Variants in C1orf141 observed in about 807,000 individuals in gnomAD.
The protein encoded by C1orf141 is chromosome 1 open reading frame 141, also known as uncharacterized protein C1orf141.
A neutral mutation model predicts 23.2 loss-of-function variants in C1orf141; 19 were observed. The observed-to-expected ratio is 0.82, with a 90% CI of 0.57 to 1.20. The LOEUF (loss-of-function observed/expected upper bound fraction) is 1.20, where lower values mean the gene tolerates loss of function less well. Ranked by LOEUF, C1orf141 falls within the 50% of genes most tolerant of loss-of-function variation. The pLI, the probability that C1orf141 is intolerant of heterozygous loss-of-function variation, is 0.00. For missense variants in C1orf141, 469 were observed against 455.1 expected (o/e 1.03, Z -0.28); for synonymous variants, 153 against 154.6 (o/e 0.99, Z 0.08).
upstream of C1orf141, among the ~76,000 whole-genome samples, chr1:67,137,405 G>T (rs1646595114): frequency 6.6e-6 from 1 of 152,180 alleles, no homozygotes; most frequent in African/African-American, 2.4e-5. Context: ...GAATGACAAT[G>T]CACACATGGA....
intron 5 of C1orf141, among the ~76,000 whole-genome samples, chr1:67,107,007 A>G (rs575725298): frequency 6.6e-6 from 1 of 152,344 alleles, no homozygotes; most frequent in South Asian, 2.1e-4. Context: ...CTTTCTTTAA[A>G]ACACAGCAAA....
At chr1:67,140,445 CATTA>C (rs1028470928) in intron 1 of C1orf141, among the ~76,000 whole-genome samples, 1 of 152,184 alleles carries the variant, frequency 6.6e-6, no homozygotes, top group Admixed American at 6.5e-5. Context: ...TACAAATGAT[CATTA>C]ATTATATATT....
chr1:67,105,055 G>A (rs563816753), intron 5 of C1orf141, among the ~76,000 whole-genome samples: 3 of 152,138 alleles, frequency 2.0e-5, no homozygotes, highest in African/African-American at 7.2e-5. Context: ...GGCCAGGTAC[G>A]GTGGCTCGTG....
intron 4 of C1orf141, 48 bp from the exon 5 acceptor site, chr1:67,115,512 C>T (rs779153399): frequency 1.6e-5 from 12 of 740,092 alleles, no homozygotes. Context: ...AGAAAAATTA[C>T]AAAATAAATC....
rs775938033 is a variant in C1orf141, at chr1:67,095,370, G to C, written c.468C>G (p.Val156=). The C allele has an allele frequency of 2.5e-6, 4 of 1,570,164 alleles. No individual in the cohort carries two copies. ...NDFNIKENKS[V]RNYQLSKYRS... ...TATACTTACTTAATTGATAATTTCT[G>C]ACCGATTTGTTTTCTTTTATATTAA... The change falls in exon 7 of 8, where the codon GTC becomes GTG. Residue 156 remains valine, a synonymous_variant. Transcript: ENST00000684719.
chr1:67,124,170 G>C (rs1646357848), intron 4 of C1orf141, among the ~76,000 whole-genome samples: 1 of 152,186 alleles, frequency 6.6e-6, no homozygotes, highest in African/African-American at 2.4e-5. Context: ...GGCTACAAAA[G>C]TTTGTTTCAC....
intron 5 of C1orf141, among the ~76,000 whole-genome samples, chr1:67,112,410 A>G (rs1241779573): frequency 6.6e-6 from 1 of 152,178 alleles, no homozygotes; most frequent in Non-Finnish European, 1.5e-5. Context: ...AAACAAAAAA[A>G]CAAGACATTG....
Position 67,127,200 on chromosome 1 carries a change from T to C in C1orf141, c.41A>G (p.Lys14Arg), listed in dbSNP as rs977767001. The change falls in exon 3 of 8, where the codon AAG (lysine) becomes AGG (arginine). Residue 14 changes from lysine (K) to arginine (R), a missense_variant. Lys to Arg is a conservative substitution (Grantham distance 26). Around this residue, in one of 3 missense-constraint regions of C1orf141, gnomAD observed 95 missense variants for 90.3 expected, o/e 1.05. Coordinates refer to ENST00000684719, the MANE Select transcript of C1orf141 (RefSeq NM_001276351.2). ...KILEKLDVLDKQAEIILARRT... is the reference protein window; with the variant it reads ...KILEKLDVLDRQAEIILARRT... Reference sequence around the variant, plus strand: ...TCTGGCCAAGATTATCTCTGCTTGCTTATCAAGGACATCCAACTTCTCTAG... The same window carrying C: ...TCTGGCCAAGATTATCTCTGCTTGCCTATCAAGGACATCCAACTTCTCTAG... 6.2e-7 allele frequency: 1 copy of C among 1,610,030 alleles called. No individual in the cohort carries two copies. The highest frequency in any genetic ancestry group is 8.5e-7 in the Non-Finnish European group (1 of 1,178,652).
At chr1:67,105,196 T>C (rs7517744) in intron 5 of C1orf141, among the ~76,000 whole-genome samples, 118,561 of 151,466 alleles carry the variant, frequency 0.78, 46,788 homozygotes, top group East Asian at 0.91. Context: ...TGTGGTGGTG[T>C]ACGCCTATAG....
At chr1:67,101,623 T>C (rs1372091259) in intron 5 of C1orf141, among the ~76,000 whole-genome samples, 1 of 152,118 alleles carries the variant, frequency 6.6e-6, no homozygotes, top group Non-Finnish European at 1.5e-5. Context: ...CTTCATATTA[T>C]AATATGAGGC....
In C1orf141 at chr1:67,124,307, A is replaced by AGTTT. The variant is rs111961813; in HGVS notation, c.233+1441_233+1444dup. Among the ~76,000 whole-genome samples, 167 of 152,002 alleles carry AGTTT rather than the reference A, an allele frequency of 1.1e-3. 1 individual carries two copies. The highest frequency in any genetic ancestry group is 3.9e-3 in the African/African-American group (160 of 41,468). ...GAGTGGTCTTAGATGCAAATGTCAT[A>AGTTT]GTTTGTTTGTTTGTTTGTTTTTTGA... On this transcript the variant is annotated intron_variant, in intron 4 of 7. Transcript: ENST00000684719.
chr1:67,125,928 G>GAAAAAAA lies in C1orf141; in HGVS notation c.76-26_76-20dup, dbSNP rs11336462. 1.5e-5 allele frequency: 18 copies of GAAAAAAA among 1,183,582 alleles called. No homozygotes were observed. Among genetic ancestry groups the GAAAAAAA allele is most frequent in the South Asian group, 5.0e-5 (3 of 59,412 alleles). 73.3% of individuals were successfully genotyped at this position (1,183,582 alleles called of 1,614,324 possible). On this transcript the variant is annotated intron_variant, in intron 3 of 7. Transcript: ENST00000684719. ...TGTTTATCTGCAGCAATGCCAAAGT[G>GAAAAAAA]AAAAAAAAAAAAAAAAAAAGAGTAC... is the stretch of plus-strand genomic sequence containing the variant.
intron 2 of C1orf141, among the ~76,000 whole-genome samples, chr1:67,127,645 T>C (rs28370432): frequency 0.029 from 4,368 of 152,196 alleles, 207 homozygotes; most frequent in African/African-American, 0.1. Flanking sequence ...TTTGTCGTTG[T>C]TGTTGTTGAG....
At chr1:67,100,414 T>A (rs1645771600) in intron 5 of C1orf141, among the ~76,000 whole-genome samples, 1 of 152,224 alleles carries the variant, frequency 6.6e-6, no homozygotes, top group Admixed American at 6.5e-5. Context: ...CTAGTAGCAT[T>A]ACTTGTTTCT....
chr1:67,117,316 G>A (rs1236065543), intron 4 of C1orf141, among the ~76,000 whole-genome samples: 3 of 152,102 alleles, frequency 2.0e-5, no homozygotes, highest in Non-Finnish European at 2.9e-5. Flanking sequence ...CCAGCTACTC[G>A]GGAGGCTGAG....
intron 4 of C1orf141, chr1:67,121,605 T>C (rs1301868011): frequency 6.7e-6 from 1 of 150,292 alleles, no homozygotes; most frequent in Admixed American, 6.6e-5. Flanking sequence ...TAGGAAGTGA[T>C]GAGTTTTGAG....
chr1:67,125,001 G>T (rs900431924), intron 4 of C1orf141, among the ~76,000 whole-genome samples: 1 of 152,164 alleles, frequency 6.6e-6, no homozygotes, highest in African/African-American at 2.4e-5. Context: ...TTACAATTCT[G>T]ATGTGCTTGG....
intron 5 of C1orf141, chr1:67,103,108 G>C (rs950634111): frequency 2.1e-6 from 1 of 486,140 alleles, no homozygotes; most frequent in Admixed American, 3.3e-5. Context: ...AAGAAGGCTG[G>C]AGAAAGATCG....
intron 2 of C1orf141, among the ~76,000 whole-genome samples, chr1:67,129,105 C>T (rs578169202): frequency 4.6e-5 from 7 of 152,196 alleles, no homozygotes; most frequent in East Asian, 1.9e-4. Flanking sequence ...CCCTCTATCA[C>T]GTCACTACAT....
Sources: gnomAD v4.1 joint callset for allele counts (sites outside exome capture counted in the v4.1 genomes callset) on GRCh38, gnomAD v4.1.1 for gene constraint, gnomAD v4.1.1 regional missense constraint, MANE v1.5 for transcripts, NCBI Gene and HGNC (gene_info 2026-07-23, HGNC 2026-07-21) for gene names.